PRKACB: variants seen among roughly 807,000 people sequenced by gnomAD.
The protein encoded by PRKACB is cAMP-dependent protein kinase catalytic subunit beta.
PRKACB carries 16 observed loss-of-function variants against 51.4 expected under a neutral mutation model. The observed-to-expected ratio is 0.31, with a 90% confidence interval of 0.21 to 0.47. The LOEUF (loss-of-function observed/expected upper bound fraction) is 0.47. Ranked by LOEUF, PRKACB falls within the 20% of genes least tolerant of loss-of-function variation. PRKACB has a pLI of 1.00. For synonymous variants in PRKACB, 147 were observed against 154.4 expected (o/e 0.95, Z 0.35); for missense variants, 309 against 464.5 (o/e 0.67, Z 3.08).
chr1:84,125,937 G>A (rs1005263677), intron 1 of PRKACB, among the ~76,000 whole-genome samples: 7 of 152,166 alleles, frequency 4.6e-5, no homozygotes, highest in African/African-American at 1.4e-4. Context: ...CTCACAAAGG[G>A]ATTGACTTGT....
rs533884015 is a variant in PRKACB, at chr1:84,199,515, G to A, written c.783+1691G>A. ...TTTTATAGCTGCATAGTATTCCGTA[G>A]TGTATATGTACCACATTTTCTTTGT... On this transcript the variant is annotated intron_variant, in intron 7 of 9. Coordinates refer to ENST00000370685, the MANE Select transcript of PRKACB (RefSeq NM_182948.4). Among the ~76,000 whole-genome samples the A allele has an allele frequency of 2.0e-3, 305 of 152,276 alleles. 2 individuals are homozygous for A. The highest frequency in any genetic ancestry group is 6.9e-3 in the African/African-American group (288 of 41,572).
upstream of PRKACB, among the ~76,000 whole-genome samples, chr1:84,143,227 C>T (rs534798937): frequency 3.9e-5 from 6 of 152,252 alleles, no homozygotes; most frequent in African/African-American, 1.4e-4. Flanking sequence ...GGGCGTATCG[C>T]TTGAGGCCAG....
At chr1:84,090,479 T>C (rs1463791110) in intron 1 of PRKACB, among the ~76,000 whole-genome samples, 1 of 152,224 alleles carries the variant, frequency 6.6e-6, no homozygotes, top group African/African-American at 2.4e-5. Flanking sequence ...CTATGCACTC[T>C]ATATGACATC....
intron 6 of PRKACB, among the ~76,000 whole-genome samples, chr1:84,196,960 T>C (rs528163892): frequency 5.3e-5 from 8 of 152,324 alleles, no homozygotes; most frequent in Middle Eastern, 3.4e-3. Flanking sequence ...GAACTGAGTA[T>C]AGCCTCTTGC....
At chr1:84,178,638 G>A (rs1184451335) in intron 1 of PRKACB, among the ~76,000 whole-genome samples, 1 of 151,888 alleles carries the variant, frequency 6.6e-6, no homozygotes, top group East Asian at 1.9e-4. Context: ...GTCTTTGTTG[G>A]TGTCCTTTAT....
chr1:84,082,297 T>TAGACA (rs1300351640), intron 1 of PRKACB, among the ~76,000 whole-genome samples: 1 of 152,288 alleles, frequency 6.6e-6, no homozygotes, highest in East Asian at 1.9e-4. Flanking sequence ...CAGAATAGCT[T>TAGACA]AGACAATTAT....
chr1:84,189,984 G>A (rs1242975664), intron 5 of PRKACB, among the ~76,000 whole-genome samples: 1 of 151,562 alleles, frequency 6.6e-6, no homozygotes, highest in East Asian at 1.9e-4. Flanking sequence ...TTTTTCATAA[G>A]GTCCATCCTT....
chr1:84,206,954 A>G (rs1488586417), intron 8 of PRKACB, among the ~76,000 whole-genome samples: 1 of 152,188 alleles, frequency 6.6e-6, no homozygotes, highest in Non-Finnish European at 1.5e-5. Flanking sequence ...CAGATATTCC[A>G]CTATACTTTT....
At chr1:84,235,159 T>C in intron 9 of PRKACB, 21 bp from the exon 10 acceptor site, 4 of 1,576,972 alleles carry the variant, frequency 2.5e-6, no homozygotes, top group Non-Finnish European at 3.4e-6. Flanking sequence ...TTTCTTATTT[T>C]TCTCTCCCTC....
At chr1:84,089,449 A>G (rs1042263892) in intron 1 of PRKACB, among the ~76,000 whole-genome samples, 1 of 152,116 alleles carries the variant, frequency 6.6e-6, no homozygotes, top group Non-Finnish European at 1.5e-5. Context: ...CTAGAGTATT[A>G]TGCTCCCAAC....
intron 9 of PRKACB, among the ~76,000 whole-genome samples, chr1:84,234,453 T>G (rs1458108458): frequency 1.3e-5 from 2 of 152,248 alleles, no homozygotes; most frequent in Non-Finnish European, 2.9e-5. Flanking sequence ...CAGTTCGAGC[T>G]TCCCAGCTGC....
chr1:84,237,665 A>G lies in PRKACB; in HGVS notation c.*2360A>G, dbSNP rs1355899466. 1.3e-5 allele frequency: 2 copies of G among 152,214 alleles called. No individual in the cohort carries two copies. The highest frequency in any genetic ancestry group is 6.5e-5 in the Admixed American group (1 of 15,288). 9.4% of individuals were successfully genotyped at this position (152,214 alleles called of 1,614,324 possible). On this transcript the variant is annotated 3_prime_UTR_variant, in exon 10 of 10. Coordinates refer to ENST00000370685, the MANE Select transcript of PRKACB (RefSeq NM_182948.4). ...TGTAACATTCCCAGTTTCAGCCACA[A>G]TTTAGCCAAGAATAAGATAAAAACT... is the stretch of plus-strand genomic sequence containing the variant.
chr1:84,128,007 C>CTT (rs10537848), intron 1 of PRKACB, among the ~76,000 whole-genome samples: 35 of 105,386 alleles, frequency 3.3e-4, no homozygotes, highest in Non-Finnish European at 4.7e-4. Context: ...CTTTTTTTTT[C>CTT]TTTTTTTTTT....
chr1:84,110,369 C>CATAT (rs58010849), intron 1 of PRKACB, among the ~76,000 whole-genome samples: 8 of 150,534 alleles, frequency 5.3e-5, no homozygotes, highest in African/African-American at 1.9e-4. Flanking sequence ...TGTATGTTTA[C>CATAT]ATATATATAT....
intron 1 of PRKACB, among the ~76,000 whole-genome samples, chr1:84,129,560 G>A (rs1288617048): frequency 6.6e-6 from 1 of 152,152 alleles, no homozygotes; most frequent in African/African-American, 2.4e-5. Context: ...AGATTAAGGT[G>A]AAGCATGTTG....
chr1:84,084,992 A>T (rs1386441258), intron 1 of PRKACB, among the ~76,000 whole-genome samples: 2 of 152,340 alleles, frequency 1.3e-5, no homozygotes, highest in South Asian at 4.1e-4. Context: ...TTTAGAAACT[A>T]TGGAAACTAT....
chr1:84,126,833 A>G (rs890207349), intron 1 of PRKACB, among the ~76,000 whole-genome samples: 30 of 152,232 alleles, frequency 2.0e-4, no homozygotes, highest in African/African-American at 6.5e-4. Context: ...TCAATGAATC[A>G]TCAAATCTCC....
intron 1 of PRKACB, chr1:84,078,410 C>G (rs1272062504): frequency 4.4e-6 from 7 of 1,600,058 alleles, no homozygotes; most frequent in Non-Finnish European, 6.0e-6. Flanking sequence ...GCTGGGCGGG[C>G]CGGCGCGGGG....
intron 9 of PRKACB, among the ~76,000 whole-genome samples, chr1:84,226,921 G>A (rs1674706442): frequency 1.3e-5 from 2 of 152,092 alleles, no homozygotes; most frequent in African/African-American, 4.8e-5. Context: ...ACAAAACATT[G>A]TTGATTTCTA....
Sources: allele counts gnomAD v4.1 joint callset (sites outside exome capture counted in the v4.1 genomes callset), GRCh38; gene constraint gnomAD v4.1.1; transcripts MANE v1.5; gene names NCBI Gene and HGNC (gene_info 2026-07-23, HGNC 2026-07-21).